The following SYT16 variants were observed in gnomAD, a reference collection of about 807,000 sequenced individuals.
SYT16 encodes the protein synaptotagmin-16.
A neutral mutation model predicts 61.4 loss-of-function variants in SYT16; 42 were observed. The observed-to-expected ratio is 0.68, with a 90% confidence interval of 0.53 to 0.89. The LOEUF (loss-of-function observed/expected upper bound fraction) is 0.89. Among genes scored for constraint, SYT16 ranks in the 40% least tolerant of loss-of-function variants. The pLI is 0.00. For missense variants in SYT16, 804 were observed against 807.3 expected (o/e 1.00, Z 0.05); for synonymous variants, 314 against 302.3 (o/e 1.04, Z -0.40).
chr14:61,880,609 C>G (rs552193441), intron 1 of SYT16, among the ~76,000 whole-genome samples: 54 of 152,170 alleles, frequency 3.5e-4, no homozygotes, highest in African/African-American at 1.3e-3. Flanking sequence ...ACATATATTG[C>G]TCTATTTAGT....
At chr14:61,933,524 G>A (rs2049858704) in intron 1 of SYT16, among the ~76,000 whole-genome samples, 3 of 152,192 alleles carry the variant, frequency 2.0e-5, no homozygotes, top group Non-Finnish European at 1.5e-5. Flanking sequence ...CATGGACTCT[G>A]AAACAAAAGA....
At chr14:61,977,247 C>G (rs2051850226) in intron 2 of SYT16, among the ~76,000 whole-genome samples, 1 of 152,214 alleles carries the variant, frequency 6.6e-6, no homozygotes, top group Non-Finnish European at 1.5e-5. Context: ...TTACCCAGTT[C>G]CAAAGTTGCT....
intron 1 of SYT16, among the ~76,000 whole-genome samples, chr14:61,862,161 C>T (rs1181125509): frequency 6.6e-6 from 1 of 152,112 alleles, no homozygotes; most frequent in Admixed American, 6.5e-5. Context: ...TTTAAGTGTA[C>T]CATCCTATAA....
intron 3 of SYT16, among the ~76,000 whole-genome samples, chr14:62,011,382 G>T (rs1024590442): frequency 6.6e-6 from 1 of 151,650 alleles, no homozygotes; most frequent in Non-Finnish European, 1.5e-5. Flanking sequence ...ATCCAGTGGA[G>T]AAAAATAAAA....
chr14:61,965,790 A>C (rs2051291373), intron 1 of SYT16, among the ~76,000 whole-genome samples: 1 of 152,086 alleles, frequency 6.6e-6, no homozygotes, highest in African/African-American at 2.4e-5. Flanking sequence ...AAATAGAATA[A>C]ATTATCGAAG....
chr14:62,017,715 AGT>A (rs1295664270), intron 3 of SYT16, among the ~76,000 whole-genome samples: 1 of 148,892 alleles, frequency 6.7e-6, no homozygotes, highest in African/African-American at 2.5e-5. Flanking sequence ...CATTATTCTC[AGT>A]GTGTGGTTTT....
intron 1 of SYT16, among the ~76,000 whole-genome samples, chr14:61,891,923 G>T (rs1440284268): frequency 6.6e-6 from 1 of 152,128 alleles, no homozygotes; most frequent in Non-Finnish European, 1.5e-5. Context: ...GAAAATATAA[G>T]AAAATTCCCT....
At chr14:61,993,838 T>C (rs2052656026) in intron 2 of SYT16, among the ~76,000 whole-genome samples, 1 of 152,168 alleles carries the variant, frequency 6.6e-6, no homozygotes, top group Non-Finnish European at 1.5e-5. Flanking sequence ...AGGTGTTGTT[T>C]TTTGCATGAT....
chr14:61,909,834 A>G (rs898843440), intron 1 of SYT16, among the ~76,000 whole-genome samples: 3 of 152,168 alleles, frequency 2.0e-5, no homozygotes, highest in African/African-American at 7.2e-5. Context: ...AAGAATGGCT[A>G]TGGCAGCACT....
At chr14:61,820,469 GTT>G (rs71117856) in intron 1 of SYT16, among the ~76,000 whole-genome samples, 2,581 of 59,902 alleles carry the variant, frequency 0.043, 4 homozygotes, top group Non-Finnish European at 0.055. Flanking sequence ...CCTCTTCAGA[GTT>G]TTTTTTTTTT....
intron 1 of SYT16, chr14:61,832,004 C>T: frequency 1.5e-6 from 1 of 662,282 alleles, no homozygotes; most frequent in Non-Finnish European, 2.9e-6. Context: ...ACACACAGCG[C>T]TTCTCCCAGA....
chr14:61,980,045 G>A (rs950087557), intron 2 of SYT16, among the ~76,000 whole-genome samples: 31 of 152,086 alleles, frequency 2.0e-4, no homozygotes, highest in African/African-American at 7.2e-4. Context: ...CACTTTTATA[G>A]TTTTTTGTCC....
At chr14:62,015,398 A>G (rs2053630628) in intron 3 of SYT16, among the ~76,000 whole-genome samples, 1 of 152,066 alleles carries the variant, frequency 6.6e-6, no homozygotes. Context: ...AAATACTTTT[A>G]GATTACAGAT....
At chr14:62,080,042 C>T (rs375673977) in intron 5 of SYT16, among the ~76,000 whole-genome samples, 3 of 152,138 alleles carry the variant, frequency 2.0e-5, no homozygotes. Context: ...GCTAGACTAC[C>T]GAGAGGCTGG....
At chr14:61,867,612 T>C (rs1414803584) in intron 1 of SYT16, among the ~76,000 whole-genome samples, 1 of 152,104 alleles carries the variant, frequency 6.6e-6, no homozygotes. Flanking sequence ...CTTAAAACAA[T>C]ATTATTTACA....
rs1217719012 is a variant in SYT16 at position 62,106,657 on chromosome 14, C to T, written c.*5950C>T. On this transcript the variant is annotated 3_prime_UTR_variant, in exon 8 of 8. Coordinates refer to ENST00000683842, the MANE Select transcript of SYT16 (RefSeq NM_001367656.1). ...TTTTCTCTGCATCATAGAAAGTTTT[C>T]TCTGAAGAGTTCCTATTTGGGTTTT... 1 of 152,178 alleles carries T rather than the reference C, an allele frequency of 6.6e-6. No individual in the cohort carries two copies. Among genetic ancestry groups the T allele is most frequent in the Non-Finnish European group, 1.5e-5 (1 of 68,040 alleles). 9.4% of individuals were successfully genotyped at this position (152,178 alleles called of 1,614,324 possible).
intron 1 of SYT16, among the ~76,000 whole-genome samples, chr14:61,840,659 T>A (rs963400877): frequency 6.6e-6 from 1 of 151,380 alleles, no homozygotes; most frequent in Non-Finnish European, 1.5e-5. Context: ...GTGTAGGGAG[T>A]GAGCAAATCT....
intron 1 of SYT16, among the ~76,000 whole-genome samples, chr14:61,928,010 G>A (rs2049603929): frequency 1.3e-5 from 2 of 152,144 alleles, no homozygotes; most frequent in African/African-American, 4.8e-5. Flanking sequence ...GGCTAACTTT[G>A]ATATTCTGAG....
chr14:62,082,900 C>T (rs2056757822), intron 6 of SYT16, among the ~76,000 whole-genome samples: 1 of 152,228 alleles, frequency 6.6e-6, no homozygotes, highest in Non-Finnish European at 1.5e-5. Flanking sequence ...ATGTGCCAGA[C>T]ATTAGGCTAT....
Sources: allele counts gnomAD v4.1 joint callset (sites outside exome capture counted in the v4.1 genomes callset), GRCh38; gene constraint gnomAD v4.1.1; transcripts MANE v1.5; gene names NCBI Gene and HGNC (gene_info 2026-07-23, HGNC 2026-07-21).